The following ELP2 variants were observed in gnomAD, a reference collection of about 807,000 sequenced individuals.
ELP2 encodes the protein elongator acetyltransferase complex subunit 2, also known as elongator complex protein 2.
A neutral mutation model predicts 119.2 loss-of-function variants in ELP2; 90 were observed. The ratio of observed to expected loss-of-function variants is 0.75; its 90% CI spans 0.64 to 0.90. The LOEUF is 0.90. Ranked by LOEUF, ELP2 falls within the 40% of genes least tolerant of loss-of-function variation. ELP2 has a pLI of 0.00. For synonymous variants in ELP2, 339 were observed against 331.0 expected (o/e 1.02, Z -0.26); for missense variants, 921 against 967.8 (o/e 0.95, Z 0.64).
intron 19 of ELP2, among the ~76,000 whole-genome samples, chr18:36,168,909 A>ATT (rs2090988312): frequency 1.3e-5 from 1 of 77,778 alleles, no homozygotes; most frequent in African/African-American, 5.1e-5. Flanking sequence ...TTCTCTCTCC[A>ATT]TTTCTTTTTT....
At chr18:36,141,585 A>G (rs959439960) in intron 6 of ELP2, among the ~76,000 whole-genome samples, 1 of 152,138 alleles carries the variant, frequency 6.6e-6, no homozygotes, top group Non-Finnish European at 1.5e-5. Flanking sequence ...AAGGAGAGAA[A>G]TTTAGAAAGG....
intron 10 of ELP2, 47 bp downstream of exon 10, chr18:36,146,095 C>A: frequency 6.3e-7 from 1 of 1,594,396 alleles, no homozygotes; most frequent in South Asian, 1.1e-5. Flanking sequence ...GTTTTGAACT[C>A]TGTATTTAAA....
At chr18:36,146,579 C>T (rs1349480262) in intron 11 of ELP2, among the ~76,000 whole-genome samples, 198 bp downstream of exon 11, 1 of 152,036 alleles carries the variant, frequency 6.6e-6, no homozygotes. Flanking sequence ...CACTGTATTC[C>T]TTTAAGCTAT....
At chr18:36,138,686 CTCTCA>C in intron 4 of ELP2, 104 bp from the exon 5 acceptor site, 1 of 1,003,956 alleles carries the variant, frequency 1.0e-6, no homozygotes, top group South Asian at 1.3e-5. Context: ...GGATTGACTT[CTCTCA>C]TCTCCCTTCT....
chr18:36,174,926 C>G lies in ELP2; in HGVS notation c.*285C>G. The G allele has an allele frequency of 2.8e-6, 1 of 361,764 alleles. No homozygotes were observed. Among genetic ancestry groups the G allele is most frequent in the African/African-American group, 2.1e-5 (1 of 48,004 alleles). 22.4% of individuals were successfully genotyped at this position (361,764 alleles called of 1,614,324 possible). A position where few individuals can be genotyped will look rare whatever the true frequency, so the allele number is the denominator to read the frequency against. On this transcript the variant is annotated 3_prime_UTR_variant, in exon 22 of 22. Coordinates refer to ENST00000358232, the MANE Select transcript of ELP2 (RefSeq NM_018255.4). ...CAGGCGGGTCTCAAACTCCTCGTCTCAGGTGATCTGCTTGCCTCGGCCTCC... is the reference window on the plus strand; with the variant it reads ...CAGGCGGGTCTCAAACTCCTCGTCTGAGGTGATCTGCTTGCCTCGGCCTCC...
intron 11 of ELP2, among the ~76,000 whole-genome samples, chr18:36,147,739 A>T (rs1483398269): frequency 1.3e-5 from 2 of 152,156 alleles, no homozygotes; most frequent in African/African-American, 4.8e-5. Flanking sequence ...CAGGGTTTTT[A>T]TGAGGCTTAA....
In ELP2 at chr18:36,138,739, A is replaced by G. The variant is rs903587663; in HGVS notation, c.446-56A>G. ...TGTGATGATGCTATCCAACCTGTCT[A>G]GTTGGATAAGCTCTGAGGTAGTTAG... On this transcript the variant is annotated intron_variant, in intron 4 of 21. Transcript: ENST00000358232. 7 of 1,348,218 alleles carry G rather than the reference A, an allele frequency of 5.2e-6. No individual in the cohort carries two copies. In the African/African-American group the frequency reaches 5.7e-5, roughly 11 times the overall value. The allele number at this position is 1,348,218 out of a possible 1,614,324, so 83.5% of individuals were successfully genotyped here.
intron 13 of ELP2, among the ~76,000 whole-genome samples, chr18:36,157,984 T>C (rs2090623281): frequency 6.6e-6 from 1 of 152,210 alleles, no homozygotes; most frequent in Admixed American, 6.5e-5. Flanking sequence ...AGGGATCCTG[T>C]AGAGTAGCGA....
chr18:36,152,960 C>T (rs2090450536), intron 11 of ELP2, among the ~76,000 whole-genome samples: 1 of 152,204 alleles, frequency 6.6e-6, no homozygotes, highest in Non-Finnish European at 1.5e-5. Context: ...ACATTGACTA[C>T]CTTCTTGGTA....
intron 19 of ELP2, among the ~76,000 whole-genome samples, chr18:36,169,392 T>TAAAAATCAGCTATGTA: frequency 6.6e-6 from 1 of 150,854 alleles, no homozygotes; most frequent in Non-Finnish European, 1.5e-5. Flanking sequence ...TAAGTTCTTT[T>TAAAAATCAGCTATGTA]TTTTTTTTTT....
At chr18:36,141,628 G>C (rs2045645515) in intron 6 of ELP2, among the ~76,000 whole-genome samples, 1 of 151,980 alleles carries the variant, frequency 6.6e-6, no homozygotes. Flanking sequence ...TTATTTAATA[G>C]GATACTCATT....
In ELP2 at chr18:36,177,461, C is replaced by T. The variant is rs1343486025; in HGVS notation, c.*2820C>T. On this transcript the variant is annotated 3_prime_UTR_variant, in exon 22 of 22. Coordinates refer to ENST00000358232, the MANE Select transcript of ELP2 (RefSeq NM_018255.4). ...GTGAAGTATCTAGAGCAGTCAAATG[C>T]ATAGAAACAAGTAGAATGGTAGTTG... 1 of 152,076 alleles carries T rather than the reference C, an allele frequency of 6.6e-6. No individual in the cohort carries two copies. Among genetic ancestry groups the T allele is most frequent in the Non-Finnish European group, 1.5e-5 (1 of 68,028 alleles). 9.4% of individuals were successfully genotyped at this position (152,076 alleles called of 1,614,324 possible). A position where few individuals can be genotyped will look rare whatever the true frequency, so the allele number is the denominator to read the frequency against.
chr18:36,144,046 G>A (rs1486536147), intron 8 of ELP2, among the ~76,000 whole-genome samples: 2 of 151,966 alleles, frequency 1.3e-5, no homozygotes, highest in African/African-American at 4.8e-5. Flanking sequence ...AGATATTTTT[G>A]GATGTGACAG....
Position 36,176,776 on chromosome 18 carries a change from T to C in ELP2, c.*2135T>C, listed in dbSNP as rs1196894634. The C allele has an allele frequency of 6.6e-6, 1 of 152,250 alleles. No homozygotes were observed. The highest frequency in any genetic ancestry group is 2.4e-5 in the African/African-American group (1 of 41,464). 9.4% of individuals were successfully genotyped at this position (152,250 alleles called of 1,614,324 possible). A position where few individuals can be genotyped will look rare whatever the true frequency, so the allele number is the denominator to read the frequency against. On this transcript the variant is annotated 3_prime_UTR_variant, in exon 22 of 22. Transcript: ENST00000358232. ...TTCATAATATTGAAGCGATTCATAA[T>C]ATCTGAAGCAATCCCCAGATACGGG...
At chr18:36,161,830 C>G (rs369541174) in intron 17 of ELP2, among the ~76,000 whole-genome samples, 1 of 152,106 alleles carries the variant, frequency 6.6e-6, no homozygotes, top group Admixed American at 6.6e-5. Flanking sequence ...ACCCCTACCC[C>G]ACTTGTTTAT....
Position 36,148,265 on chromosome 18 carries a change from T to G in ELP2, c.1125+1884T>G, listed in dbSNP as rs2090277557. Among the ~76,000 whole-genome samples the G allele has an allele frequency of 2.0e-5, 3 of 152,050 alleles. No individual in the cohort carries two copies. The South Asian group carries it at 6.2e-4, about 32-fold the overall frequency. Reference sequence around the variant, plus strand: ...CCTGCCACCACACCTGGCTAATTTTTTGTATTTTTAGTAGAGACGGGGCTT... The same window carrying G: ...CCTGCCACCACACCTGGCTAATTTTGTGTATTTTTAGTAGAGACGGGGCTT... On this transcript the variant is annotated intron_variant, in intron 11 of 21. Transcript: ENST00000358232.
At chr18:36,151,955 T>C (rs1208648562) in intron 11 of ELP2, among the ~76,000 whole-genome samples, 1 of 131,982 alleles carries the variant, frequency 7.6e-6, no homozygotes. Flanking sequence ...AGTTTCACCA[T>C]GTTAGCCAGG....
At chr18:36,141,238 C>A in intron 6 of ELP2, 37 bp downstream of exon 6, 2 of 1,503,650 alleles carry the variant, frequency 1.3e-6, no homozygotes, top group South Asian at 1.1e-5. Flanking sequence ...GAATTATATT[C>A]TGCTTAGTTA....
At chr18:36,142,416 T>G in intron 7 of ELP2, 69 bp downstream of exon 7, 1 of 1,293,724 alleles carries the variant, frequency 7.7e-7, no homozygotes, top group Admixed American at 1.7e-5. Flanking sequence ...GAAAGCAGCC[T>G]TTTTTGTTTT....
Sources: gnomAD v4.1 joint callset for allele counts (sites outside exome capture counted in the v4.1 genomes callset) on GRCh38, gnomAD v4.1.1 for gene constraint, MANE v1.5 for transcripts, NCBI Gene and HGNC (gene_info 2026-07-23, HGNC 2026-07-21) for gene names.